SCMH1: variants seen among roughly 807,000 people sequenced by gnomAD.
SCMH1 encodes the protein polycomb protein SCMH1.
Under a neutral mutation model 70.8 loss-of-function variants are expected in SCMH1, and 37 were observed. The ratio of observed to expected loss-of-function variants is 0.52; its 90% CI spans 0.40 to 0.69. The LOEUF (loss-of-function observed/expected upper bound fraction) is 0.69. Among genes scored for constraint, SCMH1 ranks in the 30% least tolerant of loss-of-function variants. The pLI is 0.00. For synonymous variants in SCMH1, 292 were observed against 307.4 expected, an observed-to-expected ratio of 0.95 and a Z score of 0.52; for missense variants, 607 against 827.3, an observed-to-expected ratio of 0.73 and a Z score of 3.27.
chr1:41,201,535 T>C (rs1654351807), intron 1 of SCMH1, among the ~76,000 whole-genome samples: 1 of 152,162 alleles, frequency 6.6e-6, no homozygotes, highest in African/African-American at 2.4e-5. Context: ...AAAATTGAAA[T>C]AAGGAACCTT....
intron 1 of SCMH1, among the ~76,000 whole-genome samples, chr1:41,211,928 A>C (rs1458122067): frequency 2.0e-5 from 3 of 152,160 alleles, no homozygotes; most frequent in African/African-American, 7.2e-5. Context: ...AGAAAACCAA[A>C]CACCACATGT....
chr1:41,035,437 C>A (rs1319965002), intron 13 of SCMH1, among the ~76,000 whole-genome samples: 1 of 152,142 alleles, frequency 6.6e-6, no homozygotes, highest in East Asian at 1.9e-4. Context: ...CATAGTTGGG[C>A]CCTGAGGTTT....
Position 41,048,041 on chromosome 1 carries a change from G to A in SCMH1, c.1306+649C>T, listed in dbSNP as rs1647063318. ...TACAACCTGCTAGGGAGGAGGGGCA[G>A]GGGAATATGGAATAGCATCAGTTAA... On this transcript the variant is annotated intron_variant, in intron 11 of 14. Coordinates refer to ENST00000337495, the Ensembl canonical transcript of SCMH1. Among the ~76,000 whole-genome samples, 3 of 152,288 alleles carry A rather than the reference G, an allele frequency of 2.0e-5. No individual in the cohort carries two copies. In the South Asian group the frequency reaches 6.2e-4, roughly 32 times the overall value.
Position 41,161,358 on chromosome 1 carries a change from C to T in SCMH1, c.82+6G>A. ...TCCACACCAAACGGAGTTTTTTCCCCCTTACCTTGATATTGGGATGCAGAC... is the reference window on the plus strand; with the variant it reads ...TCCACACCAAACGGAGTTTTTTCCCTCTTACCTTGATATTGGGATGCAGAC... On this transcript the variant is annotated splice_donor_region_variant and intron_variant, in intron 3 of 14. Transcript: ENST00000337495. 3 of 1,549,270 alleles carry T rather than the reference C, an allele frequency of 1.9e-6. No homozygotes were observed. The highest frequency in any genetic ancestry group is 2.6e-6 in the Non-Finnish European group (3 of 1,146,674).
At chr1:41,116,060 T>G (rs1670394690) in intron 7 of SCMH1, among the ~76,000 whole-genome samples, 1 of 152,236 alleles carries the variant, frequency 6.6e-6, no homozygotes, top group African/African-American at 2.4e-5. Context: ...TTCAATCAAC[T>G]AAGTTTTCTT....
Position 41,095,780 on chromosome 1 carries a change from T to C in SCMH1, c.745+17503A>G, listed in dbSNP as rs898106903. On this transcript the variant is annotated intron_variant, in intron 8 of 14. Transcript: ENST00000337495. ...TTCTGGGAAACTAAGGATACGTTCC[T>C]TGGCATTGAGAAAAATGCTTAAGTA... Among the ~76,000 whole-genome samples, 9 of 152,190 alleles carry C rather than the reference T, an allele frequency of 5.9e-5. 1 individual carries two copies. The highest frequency in any genetic ancestry group is 1.9e-4 in the African/African-American group (8 of 41,452).
At chr1:41,136,998 T>C (rs985508920) in intron 6 of SCMH1, among the ~76,000 whole-genome samples, 7 of 152,216 alleles carry the variant, frequency 4.6e-5, no homozygotes, top group African/African-American at 1.7e-4. Context: ...CAGGCTGGTC[T>C]TGAACTCCTA....
intron 2 of SCMH1, among the ~76,000 whole-genome samples, chr1:41,167,298 T>C (rs1013182223): frequency 6.6e-6 from 1 of 152,138 alleles, no homozygotes; most frequent in African/African-American, 2.4e-5. Flanking sequence ...CTTTTTCTTC[T>C]TACCATTCAG....
chr1:41,212,562 C>G (rs1003795974), intron 1 of SCMH1, among the ~76,000 whole-genome samples: 1 of 152,064 alleles, frequency 6.6e-6, no homozygotes, highest in Non-Finnish European at 1.5e-5. Flanking sequence ...TAATGGAGAA[C>G]ATCAATCAAA....
intron 12 of SCMH1, 64 bp from the exon 13 acceptor site, chr1:41,037,605 C>T: frequency 2.7e-6 from 4 of 1,455,266 alleles, no homozygotes; most frequent in Admixed American, 1.8e-5. Context: ...CTCCCAGATA[C>T]CTGTTTGAGT....
chr1:41,116,981 T>A, exon 7 of SCMH1: 1 of 1,606,440 alleles, frequency 6.2e-7, no homozygotes, highest in South Asian at 1.1e-5. Flanking sequence ...AAAAGGAACA[T>A]GGGCCAAGAA....
intron 1 of SCMH1, among the ~76,000 whole-genome samples, chr1:41,231,442 G>A (rs1272194664): frequency 6.6e-6 from 1 of 152,134 alleles, no homozygotes; most frequent in Non-Finnish European, 1.5e-5. Context: ...CAGAAAAACT[G>A]CAGATAGCTC....
intron 1 of SCMH1, among the ~76,000 whole-genome samples, chr1:41,234,696 G>A (rs1662004224): frequency 6.6e-6 from 1 of 151,612 alleles, no homozygotes; most frequent in Non-Finnish European, 1.5e-5. Flanking sequence ...GGATGGTCTC[G>A]ATCTCCTGAC....
At chr1:41,216,213 C>A (rs1052776961) in intron 1 of SCMH1, among the ~76,000 whole-genome samples, 2 of 152,156 alleles carry the variant, frequency 1.3e-5, no homozygotes, top group Non-Finnish European at 2.9e-5. Flanking sequence ...TTCTTCAGTG[C>A]AAAACAATTT....
At chr1:41,216,780 C>T (rs1237946512) in intron 1 of SCMH1, among the ~76,000 whole-genome samples, 1 of 152,146 alleles carries the variant, frequency 6.6e-6, no homozygotes, top group Non-Finnish European at 1.5e-5. Flanking sequence ...GACTATAGTA[C>T]CTCCAGGAAA....
intron 13 of SCMH1, among the ~76,000 whole-genome samples, chr1:41,032,986 A>AAAAAG (rs1644759004): frequency 6.6e-6 from 1 of 151,796 alleles, no homozygotes; most frequent in East Asian, 1.9e-4. Flanking sequence ...CTCAAAAAAA[A>AAAAAG]AAAAAAAAAG....
At chr1:41,172,185 A>C (rs1384171115) in intron 2 of SCMH1, among the ~76,000 whole-genome samples, 8 of 71,876 alleles carry the variant, frequency 1.1e-4, no homozygotes, top group African/African-American at 3.7e-5. Flanking sequence ...ACTCCATCTC[A>C]AAAAAAAAAA....
chr1:41,182,304 C>T (rs541878902), intron 2 of SCMH1, among the ~76,000 whole-genome samples: 1 of 152,160 alleles, frequency 6.6e-6, no homozygotes, highest in African/African-American at 2.4e-5. Context: ...ACATATGTAA[C>T]TAACCTGCAC....
At chr1:41,233,596 A>C (rs1238860477) in intron 1 of SCMH1, among the ~76,000 whole-genome samples, 1 of 152,242 alleles carries the variant, frequency 6.6e-6, no homozygotes, top group Non-Finnish European at 1.5e-5. Flanking sequence ...GAACTGATAG[A>C]CTGAATCACT....
Sources: allele counts gnomAD v4.1 joint callset (sites outside exome capture counted in the v4.1 genomes callset), GRCh38; gene constraint gnomAD v4.1.1; transcripts MANE v1.5; gene names NCBI Gene and HGNC (gene_info 2026-07-23, HGNC 2026-07-21).